ITCH: variants seen among roughly 807,000 people sequenced by gnomAD.
The protein encoded by ITCH is E3 ubiquitin-protein ligase Itchy homolog.
A neutral mutation model predicts 126.8 loss-of-function variants in ITCH; 28 were observed. That is an observed-to-expected ratio of 0.22 (90% CI 0.16 to 0.30). ITCH has a LOEUF of 0.30. Among genes scored for constraint, ITCH ranks in the 10% least tolerant of loss-of-function variants. The pLI, the probability that ITCH is intolerant of heterozygous loss-of-function variation, is 1.00. For missense variants in ITCH, 631 were observed against 1,032.4 expected (o/e 0.61, Z 5.33); for synonymous variants, 342 against 340.0 (o/e 1.01, Z -0.06).
Position 34,408,639 on chromosome 20 carries a change from T to G in ITCH, c.71-12T>G, listed in dbSNP as rs536074368. ...CTCAACTATTGAAATGTTTTTCATT[T>G]CTTTTACATAGTCATCTCAGCAAAA... On this transcript the variant is annotated splice_polypyrimidine_tract_variant and intron_variant, in intron 3 of 24. Coordinates refer to ENST00000374864, the MANE Select transcript of ITCH (RefSeq NM_031483.7). 1 of 1,608,820 alleles carries G rather than the reference T, an allele frequency of 6.2e-7. No homozygotes were observed.
chr20:34,471,802 G>T (rs1236275484), intron 16 of ITCH, among the ~76,000 whole-genome samples: 1 of 105,620 alleles, frequency 9.5e-6, no homozygotes, highest in East Asian at 2.6e-4. Flanking sequence ...TGTGTTTCAG[G>T]TTTCCATTTC....
At chr20:34,470,907 G>A (rs985034662) in intron 15 of ITCH, among the ~76,000 whole-genome samples, 24 of 152,094 alleles carry the variant, frequency 1.6e-4, no homozygotes, top group African/African-American at 5.1e-4. Context: ...TATATCTATC[G>A]TTTGATATAA....
chr20:34,377,701 GA>G (rs1384202540), intron 2 of ITCH, among the ~76,000 whole-genome samples: 1 of 151,612 alleles, frequency 6.6e-6, no homozygotes. Flanking sequence ...CTGTCTCTAC[GA>G]AAAACACAAA....
intron 2 of ITCH, among the ~76,000 whole-genome samples, chr20:34,388,778 C>A (rs2038383027): frequency 6.6e-6 from 1 of 152,170 alleles, no homozygotes. Context: ...CACTAATAGC[C>A]TATTCAAAAG....
At chr20:34,400,310 T>A (rs1183864696) in intron 3 of ITCH, among the ~76,000 whole-genome samples, 2 of 152,152 alleles carry the variant, frequency 1.3e-5, no homozygotes, top group Non-Finnish European at 2.9e-5. Flanking sequence ...CCTCAAGTGA[T>A]GCTCCCAGCC....
chr20:34,433,119 G>A (rs1298770795), intron 7 of ITCH, among the ~76,000 whole-genome samples: 1 of 152,030 alleles, frequency 6.6e-6, no homozygotes, highest in Non-Finnish European at 1.5e-5. Flanking sequence ...GTGAAACCCC[G>A]TCTCTACTGA....
intron 22 of ITCH, among the ~76,000 whole-genome samples, chr20:34,492,061 G>C (rs1433249807): frequency 6.8e-6 from 1 of 146,342 alleles, no homozygotes; most frequent in African/African-American, 2.7e-5. Flanking sequence ...TCTTAAAACT[G>C]CGTGAGTACG....
At chr20:34,469,942 G>T (rs886165116) in intron 14 of ITCH, 106 bp from the exon 15 acceptor site, 4 of 835,840 alleles carry the variant, frequency 4.8e-6, no homozygotes, top group South Asian at 1.3e-5. Flanking sequence ...CTATATTTTT[G>T]AATTTGGTTA....
chr20:34,393,965 C>T (rs1245713600), intron 3 of ITCH, 84 bp downstream of exon 3: 15 of 1,272,064 alleles, frequency 1.2e-5, no homozygotes, highest in Non-Finnish European at 1.7e-5. Context: ...GGCATGGTGG[C>T]CCATGCCTGT....
At chr20:34,501,374 ATG>A (rs1990235116) in intron 23 of ITCH, among the ~76,000 whole-genome samples, 2 of 152,228 alleles carry the variant, frequency 1.3e-5, no homozygotes. Context: ...GTTTTAATAC[ATG>A]TCTATTTGGG....
chr20:34,375,026 C>T (rs536822557), intron 2 of ITCH, among the ~76,000 whole-genome samples: 1 of 151,782 alleles, frequency 6.6e-6, no homozygotes, highest in South Asian at 2.1e-4. Flanking sequence ...CAGGTGTCAG[C>T]CACCACGCCT....
At position 34,438,542 on chromosome 20, in the gene ITCH, A is replaced by G. The variant is rs758111695; in HGVS notation, c.590A>G (p.Asn197Ser). The stretch of plus-strand genomic sequence containing the variant: ...GGTGAAAATAGGAGAGTCAGTGGGA[A>G]TAATTCTCCATCACTCTCAAATGGT... ...GAGENRRVSG[N>S]NSPSLSNGGF... Residue 197 changes from asparagine to serine, a missense_variant, in exon 8 of 25, where the codon AAT (asparagine) becomes AGT (serine). Physicochemically the swap from Asn to Ser is conservative, Grantham distance 46. Transcript: ENST00000374864. 1.2e-6 allele frequency: 2 copies of G among 1,613,852 alleles called. No individual in the cohort carries two copies. Among genetic ancestry groups the G allele is most frequent in the South Asian group, 1.1e-5 (1 of 91,072 alleles).
intron 7 of ITCH, among the ~76,000 whole-genome samples, chr20:34,426,111 G>A (rs940417263): frequency 4.6e-5 from 7 of 152,234 alleles, no homozygotes; most frequent in Non-Finnish European, 1.5e-5. Context: ...TTTTAAAGTA[G>A]TGAGTGGCAT....
intron 2 of ITCH, among the ~76,000 whole-genome samples, chr20:34,378,471 CAA>C (rs35400213): frequency 6.2e-5 from 3 of 48,676 alleles, no homozygotes; most frequent in African/African-American, 1.7e-4. Flanking sequence ...AACTCTGTCT[CAA>C]AAAAAAAAAA....
At chr20:34,420,945 A>G (rs191081249) in intron 6 of ITCH, among the ~76,000 whole-genome samples, 1 of 152,270 alleles carries the variant, frequency 6.6e-6, no homozygotes, top group East Asian at 1.9e-4. Flanking sequence ...GTGTATTTGT[A>G]AAATGGATCA....
chr20:34,486,856 C>A (rs2146496828), intron 20 of ITCH, among the ~76,000 whole-genome samples: 1 of 151,440 alleles, frequency 6.6e-6, no homozygotes, highest in East Asian at 1.9e-4. Context: ...TGCCACCACA[C>A]CCACATGACG....
Position 34,508,000 on chromosome 20 carries a change from C to A in ITCH, c.*206C>A. 1 of 532,136 alleles carries A rather than the reference C, an allele frequency of 1.9e-6. No individual in the cohort carries two copies. The highest frequency in any genetic ancestry group is 3.4e-6 in the Non-Finnish European group (1 of 293,820). The allele number at this position is 532,136 out of a possible 1,614,324, so 33.0% of individuals were successfully genotyped here. On this transcript the variant is annotated 3_prime_UTR_variant, in exon 25 of 25. Transcript: ENST00000374864. ...CAGGTCTGCAAATGACTAGTCAGAACCTTGCTTAACATGAGATTTTAACAC... is the reference window on the plus strand; with the variant it reads ...CAGGTCTGCAAATGACTAGTCAGAAACTTGCTTAACATGAGATTTTAACAC...
Position 34,509,997 on chromosome 20 carries a change from G to A in ITCH, c.*2203G>A, listed in dbSNP as rs1307167604. ...AAAATATATAAATATCACCCAAAAG[G>A]CTTTCTGCCCTATATTTTTAAAATA... is the stretch of plus-strand genomic sequence containing the variant. On this transcript the variant is annotated 3_prime_UTR_variant, in exon 25 of 25. Coordinates refer to ENST00000374864, the MANE Select transcript of ITCH (RefSeq NM_031483.7). 1 of 152,490 alleles carries A rather than the reference G, an allele frequency of 6.6e-6. No homozygotes were observed. The highest frequency in any genetic ancestry group is 6.6e-5 in the Admixed American group (1 of 15,262). The allele number at this position is 152,490 out of a possible 1,614,324, so 9.4% of individuals were successfully genotyped here. A position where few individuals can be genotyped will look rare whatever the true frequency, so the allele number is the denominator to read the frequency against.
intron 23 of ITCH, among the ~76,000 whole-genome samples, chr20:34,496,803 CAAAAAAAA>C (rs60619641): frequency 1.0e-5 from 1 of 99,412 alleles, no homozygotes; most frequent in Admixed American, 1.2e-4. Context: ...CACTCCATCT[CAAAAAAAA>C]AAAAAAAAAA....
Sources: gnomAD v4.1 joint callset for allele counts (sites outside exome capture counted in the v4.1 genomes callset) on GRCh38, gnomAD v4.1.1 for gene constraint, MANE v1.5 for transcripts, NCBI Gene and HGNC (gene_info 2026-07-23, HGNC 2026-07-21) for gene names.